COA1: variants seen among roughly 807,000 people sequenced by gnomAD.
COA1 encodes the protein cytochrome c oxidase assembly factor 1 homolog.
In COA1, 13 loss-of-function variants were observed where a neutral mutation model predicts 16.0. That is an observed-to-expected ratio of 0.81 (90% CI 0.53 to 1.29). The LOEUF is 1.29. COA1 is among the 50% of genes most tolerant of loss of function. COA1 has a pLI of 0.00. For synonymous variants in COA1, 65 were observed against 65.7 expected, an observed-to-expected ratio of 0.99 and a Z score of 0.05; for missense variants, 179 against 177.0, an observed-to-expected ratio of 1.01 and a Z score of -0.06.
At chr7:43,650,698 C>A (rs1046799333) in intron 1 of COA1, 1 of 151,862 alleles carries the variant, frequency 6.6e-6, no homozygotes, top group African/African-American at 2.4e-5. Flanking sequence ...TCGAGTGACT[C>A]GTGTGGCAAA....
At chr7:43,651,169 T>A (rs1185554158) in intron 1 of COA1, among the ~76,000 whole-genome samples, 1 of 152,160 alleles carries the variant, frequency 6.6e-6, no homozygotes, top group Non-Finnish European at 1.5e-5. Context: ...TAGTAAGAAG[T>A]GAAAATTTAA....
At chr7:43,712,392 T>C (rs1336220063) in intron 1 of COA1, among the ~76,000 whole-genome samples, 2 of 152,134 alleles carry the variant, frequency 1.3e-5, no homozygotes, top group Non-Finnish European at 2.9e-5. Context: ...GGATTACAGG[T>C]GTGAGCCACT....
At chr7:43,718,378 G>A (rs773864772) in intron 1 of COA1, among the ~76,000 whole-genome samples, 9 of 152,216 alleles carry the variant, frequency 5.9e-5, no homozygotes, top group Non-Finnish European at 1.2e-4. Flanking sequence ...AGCATGTCCT[G>A]CTCTTGCTTT....
chr7:43,660,436 A>T (rs529937415), intron 1 of COA1, among the ~76,000 whole-genome samples: 1 of 152,298 alleles, frequency 6.6e-6, no homozygotes, highest in South Asian at 2.1e-4. Context: ...CATAAAAACA[A>T]AAGTGGCTTC....
chr7:43,655,576 C>T (rs899089035), intron 1 of COA1, among the ~76,000 whole-genome samples: 1 of 152,104 alleles, frequency 6.6e-6, no homozygotes, highest in Non-Finnish European at 1.5e-5. Flanking sequence ...GCGGAAGAAT[C>T]GTTTGAATCC....
chr7:43,652,225 C>T (rs571859181), intron 1 of COA1, among the ~76,000 whole-genome samples: 31 of 152,294 alleles, frequency 2.0e-4, no homozygotes, highest in Admixed American at 5.9e-4. Flanking sequence ...GGCCATGTGA[C>T]ATTCCCAGCA....
At chr7:43,621,954 C>T (rs1199507682) in intron 6 of COA1, among the ~76,000 whole-genome samples, 1 of 152,122 alleles carries the variant, frequency 6.6e-6, no homozygotes. Context: ...CTGTACTTGC[C>T]ATCTATGTGA....
chr7:43,629,240 A>G (rs998171762), intron 6 of COA1, among the ~76,000 whole-genome samples: 3 of 152,128 alleles, frequency 2.0e-5, no homozygotes, highest in African/African-American at 7.2e-5. Flanking sequence ...TCTCAGGTAA[A>G]ACAGACGTTC....
At chr7:43,689,748 CA>C (rs898485566) in intron 1 of COA1, among the ~76,000 whole-genome samples, 5 of 151,990 alleles carry the variant, frequency 3.3e-5, no homozygotes, top group South Asian at 4.1e-4. Context: ...GCACAAGGGA[CA>C]GGGGGTTAGA....
rs543067573 is a variant in COA1, at chr7:43,698,297, C to T, written c.-39+31132G>A. 9.9e-5 allele frequency among the ~76,000 whole-genome samples: 15 copies of T among 151,952 alleles called. No homozygotes were observed. In the East Asian group the frequency reaches 2.7e-3, roughly 27 times the overall value. The stretch of plus-strand genomic sequence containing the variant: ...CAACCAACTTAAAACGCTTTTTTTT[C>T]CAGGAACTCACTGCTTGCTAACCAA... On this transcript the variant is annotated intron_variant, in intron 1 of 5. Coordinates refer to ENST00000223336, the MANE Select transcript of COA1 (RefSeq NM_018224.4).
In COA1 at chr7:43,645,322, C is replaced by G; in HGVS notation, c.193G>C (p.Gly65Arg). Residue 65 changes from glycine (G) to arginine (R), a missense_variant, in exon 4 of 6, where the codon GGC becomes CGC. Gly to Arg is a moderately radical substitution (Grantham distance 125, BLOSUM62 -2). Transcript: ENST00000223336. ...AGATAATGGATGTTGAGAGGAGGGC[C>G]CAGAGCTTCCTGTGCCTCGGGATGG... The part of the protein sequence containing the change: ...QSHPEAQEAL[G>R]PPLNIHYLKL... 1.2e-6 allele frequency: 2 copies of G among 1,613,924 alleles called. No individual in the cohort carries two copies. The highest frequency in any genetic ancestry group is 1.7e-6 in the Non-Finnish European group (2 of 1,179,840).
intron 1 of COA1, among the ~76,000 whole-genome samples, chr7:43,670,714 A>G (rs1278273431): frequency 1.3e-5 from 2 of 152,136 alleles, no homozygotes; most frequent in Non-Finnish European, 2.9e-5. Context: ...ATGCCCACAA[A>G]CATATACTTT....
intron 1 of COA1, among the ~76,000 whole-genome samples, chr7:43,684,522 C>T (rs540183813): frequency 1.3e-5 from 2 of 152,204 alleles, no homozygotes; most frequent in African/African-American, 4.8e-5. Flanking sequence ...CCTCAGTCAT[C>T]GTGCATTACT....
chr7:43,645,208 T>C, intron 4 of COA1, 43 bp downstream of exon 4: 1 of 1,603,014 alleles, frequency 6.2e-7, no homozygotes, highest in African/African-American at 1.3e-5. Flanking sequence ...TCTCCTCTCC[T>C]TCAGCAGGCA....
chr7:43,644,805 G>T (rs943914611), intron 4 of COA1, among the ~76,000 whole-genome samples: 2 of 143,468 alleles, frequency 1.4e-5, no homozygotes, highest in Admixed American at 6.9e-5. Context: ...GAGACAGAGA[G>T]AGAGAGAGAG....
At chr7:43,634,019 T>TA (rs1185640096) in intron 6 of COA1, among the ~76,000 whole-genome samples, 1 of 152,254 alleles carries the variant, frequency 6.6e-6, no homozygotes, top group Non-Finnish European at 1.5e-5. Flanking sequence ...TTGTTTCATT[T>TA]ACTCTTCTCA....
downstream of COA1, among the ~76,000 whole-genome samples, chr7:43,634,350 C>T (rs781443030): frequency 1.8e-4 from 27 of 152,152 alleles, no homozygotes; most frequent in African/African-American, 5.6e-4. Flanking sequence ...AAGTGGGTGA[C>T]GGGGGCATGT....
chr7:43,619,048 G>C (rs961788294), intron 6 of COA1, among the ~76,000 whole-genome samples: 1 of 152,182 alleles, frequency 6.6e-6, no homozygotes, highest in Non-Finnish European at 1.5e-5. Context: ...TGGAGAAAAT[G>C]GGGAGGAATT....
intron 1 of COA1, among the ~76,000 whole-genome samples, chr7:43,710,673 A>G (rs2095215843): frequency 1.3e-5 from 2 of 152,152 alleles, no homozygotes; most frequent in African/African-American, 2.4e-5. Flanking sequence ...CCCAACTCCA[A>G]TAGGTATTAC....
Sources: gnomAD v4.1 joint callset for allele counts (sites outside exome capture counted in the v4.1 genomes callset) on GRCh38, gnomAD v4.1.1 for gene constraint, MANE v1.5 for transcripts, NCBI Gene and HGNC (gene_info 2026-07-23, HGNC 2026-07-21) for gene names.